The following UACA variants were observed in gnomAD, a reference collection of about 807,000 sequenced individuals.
The protein encoded by UACA is uveal autoantigen with coiled-coil domains and ankyrin repeats.
In UACA, 112 loss-of-function variants were observed where a neutral mutation model predicts 160.5. The observed-to-expected ratio is 0.70, with a 90% CI of 0.60 to 0.82. The LOEUF (loss-of-function observed/expected upper bound fraction) is 0.82. UACA is among the 40% of genes least tolerant of loss of function. The probability of loss-of-function intolerance (pLI) is 0.00; values close to 1 mark genes in which losing one functional copy is unlikely to be tolerated. For missense variants in UACA, 1,574 were observed against 1,614.6 expected, an observed-to-expected ratio of 0.97 and a Z score of 0.43; for synonymous variants, 557 against 568.4, an observed-to-expected ratio of 0.98 and a Z score of 0.29.
chr15:70,761,062 TA>T (rs1342380545), intron 1 of UACA, among the ~76,000 whole-genome samples: 1 of 152,112 alleles, frequency 6.6e-6, no homozygotes, highest in Non-Finnish European at 1.5e-5. Context: ...ATATGAATAT[TA>T]ATCACAGAAT....
intron 1 of UACA, among the ~76,000 whole-genome samples, chr15:70,717,124 G>A (rs892668462): frequency 6.6e-6 from 1 of 152,172 alleles, no homozygotes; most frequent in Non-Finnish European, 1.5e-5. Context: ...GGGAGGCTGA[G>A]GCAGGCGAAT....
intron 1 of UACA, among the ~76,000 whole-genome samples, chr15:70,741,396 T>G (rs1899530629): frequency 6.6e-6 from 1 of 152,254 alleles, no homozygotes; most frequent in East Asian, 1.9e-4. Context: ...ATTCCCTGTT[T>G]GATACATGTG....
intron 1 of UACA, among the ~76,000 whole-genome samples, chr15:70,761,600 T>C (rs2030757531): frequency 6.6e-6 from 1 of 152,252 alleles, no homozygotes; most frequent in African/African-American, 2.4e-5. Flanking sequence ...CTAAGTTTTA[T>C]TCCTCATTAC....
intron 18 of UACA, among the ~76,000 whole-genome samples, chr15:70,659,187 G>A (rs1382395188): frequency 1.3e-5 from 2 of 152,006 alleles, no homozygotes; most frequent in East Asian, 3.8e-4. Flanking sequence ...AAAGAGAGTA[G>A]CTAAGATCCC....
intron 17 of UACA, 127 bp downstream of exon 17, chr15:70,664,535 T>C: frequency 1.7e-6 from 2 of 1,207,396 alleles, no homozygotes; most frequent in Non-Finnish European, 1.1e-6. Context: ...TTTTCGCATA[T>C]AAAAATAATT....
intron 1 of UACA, among the ~76,000 whole-genome samples, chr15:70,703,463 T>C (rs2140972288): frequency 6.6e-6 from 1 of 152,334 alleles, no homozygotes; most frequent in African/African-American, 2.4e-5. Context: ...TATCTCATTT[T>C]TGAAACAATG....
intron 13 of UACA, 100 bp from the exon 14 acceptor site, chr15:70,672,101 A>C (rs1897158312): frequency 1.0e-6 from 1 of 984,558 alleles, no homozygotes; most frequent in Non-Finnish European, 1.4e-6. Context: ...TTAAAACTAC[A>C]TTTTTGACAT....
At chr15:70,661,168 G>A (rs961771810) in intron 17 of UACA, 2 of 152,106 alleles carry the variant, frequency 1.3e-5, no homozygotes, top group Non-Finnish European at 2.9e-5. Context: ...TACCAAAATA[G>A]CATCTACGTT....
intron 5 of UACA, among the ~76,000 whole-genome samples, chr15:70,690,130 C>T (rs1029798088): frequency 1.3e-5 from 2 of 151,990 alleles, no homozygotes; most frequent in Admixed American, 6.6e-5. Context: ...AACACACACA[C>T]GCACACACAT....
At chr15:70,663,083 G>A (rs1051392885) in intron 17 of UACA, among the ~76,000 whole-genome samples, 28 of 152,252 alleles carry the variant, frequency 1.8e-4, no homozygotes, top group African/African-American at 6.3e-4. Flanking sequence ...GCAACCTACA[G>A]AATGGGAGAA....
In UACA at chr15:70,660,293, T is replaced by G. The variant is rs1434527717; in HGVS notation, c.4114-77A>C. The stretch of plus-strand genomic sequence containing the variant: ...AACTTTGGACAATGCTCAGGCTTCA[T>G]GCTACAAAACTATTATTATTATTAA... On this transcript the variant is annotated intron_variant, in intron 17 of 18. Coordinates refer to ENST00000322954, the MANE Select transcript of UACA (RefSeq NM_018003.4). The G allele has an allele frequency of 6.4e-6, 8 of 1,241,992 alleles. No homozygotes were observed. The Admixed American group carries it at 1.4e-4, about 22-fold the overall frequency. 76.9% of individuals were successfully genotyped at this position (1,241,992 alleles called of 1,614,324 possible).
At chr15:70,756,186 T>TGA (rs67469303) in intron 1 of UACA, among the ~76,000 whole-genome samples, 7 of 151,476 alleles carry the variant, frequency 4.6e-5, no homozygotes, top group African/African-American at 1.7e-4. Flanking sequence ...TTTTTTTTTT[T>TGA]GATGGAGTCT....
intron 1 of UACA, among the ~76,000 whole-genome samples, chr15:70,754,880 G>A (rs1056494052): frequency 2.0e-5 from 3 of 152,080 alleles, no homozygotes; most frequent in Non-Finnish European, 4.4e-5. Context: ...TTATGATTAA[G>A]GAAAATAAGG....
chr15:70,699,717 T>G, intron 1 of UACA, 57 bp from the exon 2 acceptor site: 8 of 1,575,038 alleles, frequency 5.1e-6, no homozygotes, highest in Non-Finnish European at 6.9e-6. Context: ...AAGATTTTTC[T>G]AAAGAAAGAA....
At chr15:70,750,903 T>G (rs893886487) in intron 1 of UACA, among the ~76,000 whole-genome samples, 2 of 152,220 alleles carry the variant, frequency 1.3e-5, no homozygotes, top group Non-Finnish European at 1.5e-5. Context: ...AGTTGCTTAA[T>G]GGATACAGAA....
chr15:70,664,219 C>T (rs1187139299), intron 17 of UACA, among the ~76,000 whole-genome samples: 7 of 152,090 alleles, frequency 4.6e-5, no homozygotes. Flanking sequence ...TCTTTATTCA[C>T]AAAGATAAAA....
rs768817091 is a variant in UACA, at chr15:70,667,032, A to C, written c.3652T>G (p.Leu1218Val). ...VQNTKQALKKLETREVVDLSK... is the reference protein window; with the variant it reads ...VQNTKQALKKVETREVVDLSK... ...AAGTCAACTACCTCTCTAGTCTCTA[A>C]TTTTTTTAATGCTTGTTTAGTATTC... Residue 1218 changes from leucine (L) to valine (V), a missense_variant, in exon 16 of 19, where the codon TTA becomes GTA. Transcript: ENST00000322954. 6.2e-6 allele frequency: 10 copies of C among 1,613,414 alleles called. No homozygotes were observed. In the East Asian group the frequency reaches 2.2e-4, roughly 36 times the overall value.
chr15:70,703,012 C>A, intron 1 of UACA: 3 of 941,946 alleles, frequency 3.2e-6, no homozygotes, highest in Admixed American at 3.6e-5. Flanking sequence ...ACTGGTTAAA[C>A]ACTAAAGGAG....
intron 1 of UACA, among the ~76,000 whole-genome samples, chr15:70,711,384 G>C (rs1327526359): frequency 6.6e-6 from 1 of 151,738 alleles, no homozygotes; most frequent in African/African-American, 2.4e-5. Context: ...AAATTAGGCC[G>C]GGCACGGTGG....
Sources: gnomAD v4.1 joint callset for allele counts (sites outside exome capture counted in the v4.1 genomes callset) on GRCh38, gnomAD v4.1.1 for gene constraint, MANE v1.5 for transcripts, NCBI Gene and HGNC (gene_info 2026-07-23, HGNC 2026-07-21) for gene names.